XNDC1N: variants seen among roughly 807,000 people sequenced by gnomAD.
XNDC1N encodes the protein XRCC1 N-terminal domain containing 1, N-terminal like.
chr11:71,921,950 A>T, the XNDC1N span, among the ~76,000 whole-genome samples: 2 of 152,170 alleles, frequency 1.3e-5, no homozygotes, highest in African/African-American at 2.4e-5. Flanking sequence ...TCATGAGGTC[A>T]GGACTTTGAG....
At chr11:71,907,964 C>T in the XNDC1N span, among the ~76,000 whole-genome samples, 1 of 152,114 alleles carries the variant, frequency 6.6e-6, no homozygotes, top group Non-Finnish European at 1.5e-5. Flanking sequence ...ACACTCAGTG[C>T]TATATTGTGA....
At chr11:71,917,200 G>T in the XNDC1N span, 1 of 523,990 alleles carries the variant, frequency 1.9e-6, no homozygotes, top group Non-Finnish European at 3.4e-6. Flanking sequence ...TTTTAGTAGA[G>T]ATGGGATTTC....
At chr11:71,885,009 C>T in the XNDC1N span, among the ~76,000 whole-genome samples, 9 of 152,080 alleles carry the variant, frequency 5.9e-5, no homozygotes, top group Admixed American at 2.6e-4. Flanking sequence ...TTTTTAGGAT[C>T]CGCGGTGGAT....
the XNDC1N span, among the ~76,000 whole-genome samples, chr11:71,874,579 G>T: frequency 3.0e-3 from 455 of 152,304 alleles, 3 homozygotes; most frequent in African/African-American, 0.01. Context: ...ACATCCAAAA[G>T]TAGATGTCAA....
At chr11:71,919,387 CTCT>C in the XNDC1N span, among the ~76,000 whole-genome samples, 1 of 53,686 alleles carries the variant, frequency 1.9e-5, no homozygotes, top group Non-Finnish European at 3.1e-5. Context: ...GAAAGCAGAG[CTCT>C]TTTTTTTTTT....
At chr11:71,911,555 G>C in the XNDC1N span, among the ~76,000 whole-genome samples, 8,399 of 152,152 alleles carry the variant, frequency 0.055, 272 homozygotes, top group African/African-American at 0.1. Context: ...GCCACTTCAG[G>C]CCAGAAAGCT....
chr11:71,914,236 A>C, the XNDC1N span: 2 of 454,492 alleles, frequency 4.4e-6, no homozygotes, highest in Admixed American at 4.7e-5. Flanking sequence ...TTCTGGAAAT[A>C]ATTTACCATC....
At chr11:71,884,196 A>G in the XNDC1N span, 11 of 450,524 alleles carry the variant, frequency 2.4e-5, no homozygotes, top group Admixed American at 4.2e-5. Flanking sequence ...TACATTTCCA[A>G]CTACTGCCTC....
the XNDC1N span, among the ~76,000 whole-genome samples, chr11:71,888,020 G>T: frequency 6.6e-6 from 1 of 152,164 alleles, no homozygotes; most frequent in Non-Finnish European, 1.5e-5. Flanking sequence ...CTTCGGGGAG[G>T]CGTGGGCTCG....
chr11:71,869,347 C>T, the XNDC1N span, among the ~76,000 whole-genome samples: 1 of 152,176 alleles, frequency 6.6e-6, no homozygotes, highest in African/African-American at 2.4e-5. Flanking sequence ...TGATGGTTTC[C>T]AGCTTCATCC....
chr11:71,893,900 T>C, the XNDC1N span: 3 of 980,388 alleles, frequency 3.1e-6, no homozygotes, highest in Non-Finnish European at 4.3e-6. Flanking sequence ...TGTGTCTTCT[T>C]CGTTTTGGTG....
At chr11:71,893,796 T>C in the XNDC1N span, 37 of 1,067,712 alleles carry the variant, frequency 3.5e-5, no homozygotes, top group Admixed American at 6.4e-4. Flanking sequence ...TTTTTGCATG[T>C]ATAGAAGGCA....
the XNDC1N span, chr11:71,916,483 C>T: frequency 1.9e-6 from 1 of 520,852 alleles, no homozygotes; most frequent in South Asian, 2.4e-5. Flanking sequence ...CATCACTCCT[C>T]TGTCACAGTT....
At chr11:71,925,512 G>A in the XNDC1N span, among the ~76,000 whole-genome samples, 1 of 152,136 alleles carries the variant, frequency 6.6e-6, no homozygotes, top group African/African-American at 2.4e-5. Context: ...GATGAGTCCT[G>A]AGTCTCCTCT....
the XNDC1N span, among the ~76,000 whole-genome samples, chr11:71,872,801 C>T: frequency 1.3e-5 from 2 of 152,108 alleles, no homozygotes; most frequent in African/African-American, 2.4e-5. Flanking sequence ...GTTCTAGCAC[C>T]TTTTGGATGT....
the XNDC1N span, chr11:71,893,723 T>C: frequency 7.8e-7 from 1 of 1,276,134 alleles, no homozygotes; most frequent in Non-Finnish European, 1.1e-6. Flanking sequence ...ATTGTGGACA[T>C]GCAGTCGCAT....
At chr11:71,889,741 G>C in the XNDC1N span, among the ~76,000 whole-genome samples, 1 of 152,190 alleles carries the variant, frequency 6.6e-6, no homozygotes, top group Non-Finnish European at 1.5e-5. Context: ...TGTTCTGCCC[G>C]GCATAAGAGC....
the XNDC1N span, among the ~76,000 whole-genome samples, chr11:71,896,381 A>C: frequency 1.3e-5 from 2 of 152,226 alleles, no homozygotes; most frequent in Non-Finnish European, 2.9e-5. Flanking sequence ...AAAAGTGGAT[A>C]ATTGAGTCCC....
At chr11:71,887,566 G>T in the XNDC1N span, among the ~76,000 whole-genome samples, 1 of 151,592 alleles carries the variant, frequency 6.6e-6, no homozygotes, top group South Asian at 2.1e-4. Flanking sequence ...TCCAGGATTG[G>T]CCAGTTAAGA....
Sources: gnomAD v4.1 joint callset for allele counts (sites outside exome capture counted in the v4.1 genomes callset) on GRCh38, gnomAD v4.1.1 for gene constraint, MANE v1.5 for transcripts, NCBI Gene and HGNC (gene_info 2026-07-23, HGNC 2026-07-21) for gene names.